Variants in OR1B1 observed in about 807,000 individuals in gnomAD.
The protein encoded by OR1B1 is olfactory receptor 1B1.
For synonymous variants in OR1B1, 168 were observed against 156.2 expected (o/e 1.08, Z -0.57); for missense variants, 414 against 402.1 (o/e 1.03, Z -0.25).
chr9:122,655,759 C>T, the OR1B1 span, among the ~76,000 whole-genome samples: 3 of 151,672 alleles, frequency 2.0e-5, no homozygotes, highest in African/African-American at 7.3e-5. Context: ...ACCTAAGTGA[C>T]AGGTGCAGCA....
At chr9:122,656,797 T>C in the OR1B1 span, among the ~76,000 whole-genome samples, 1 of 152,184 alleles carries the variant, frequency 6.6e-6, no homozygotes, top group Non-Finnish European at 1.5e-5. Context: ...CAGTACTAAA[T>C]CAAAAATTAC....
chr9:122,638,271 T>G, the OR1B1 span, among the ~76,000 whole-genome samples: 1 of 152,170 alleles, frequency 6.6e-6, no homozygotes, highest in Admixed American at 6.5e-5. Flanking sequence ...GTCAATTTTT[T>G]CAAGGTAAGA....
chr9:122,628,651 C>A, exon 1 of OR1B1: 1 of 1,614,064 alleles, frequency 6.2e-7, no homozygotes. Flanking sequence ...GGAGGCTATA[C>A]ACAAATGGGT....
upstream of OR1B1, among the ~76,000 whole-genome samples, chr9:122,629,888 A>G (rs1375403883): frequency 6.6e-6 from 1 of 152,204 alleles, no homozygotes; most frequent in Non-Finnish European, 1.5e-5. Context: ...TGAAAGAATT[A>G]TCTATATTCA....
chr9:122,655,010 T>C, the OR1B1 span, among the ~76,000 whole-genome samples: 1 of 152,190 alleles, frequency 6.6e-6, no homozygotes, highest in African/African-American at 2.4e-5. Flanking sequence ...TCATCCAGCA[T>C]TGCAAACATA....
chr9:122,639,257 CA>C, the OR1B1 span, among the ~76,000 whole-genome samples: 1 of 151,776 alleles, frequency 6.6e-6, no homozygotes, highest in Non-Finnish European at 1.5e-5. Context: ...ATAGATATTC[CA>C]AAAAGAATAT....
upstream of OR1B1, among the ~76,000 whole-genome samples, chr9:122,632,504 T>C (rs557550867): frequency 5.0e-4 from 76 of 152,310 alleles, 1 homozygote; most frequent in African/African-American, 1.4e-3. Flanking sequence ...ATTTCTGAGA[T>C]TTTGGTGCAC....
At chr9:122,644,898 A>T in the OR1B1 span, among the ~76,000 whole-genome samples, 3 of 152,314 alleles carry the variant, frequency 2.0e-5, no homozygotes, top group East Asian at 5.8e-4. Context: ...AACATCTACA[A>T]GCATCAACGT....
At chr9:122,648,045 T>C in the OR1B1 span, among the ~76,000 whole-genome samples, 3 of 152,290 alleles carry the variant, frequency 2.0e-5, no homozygotes, top group Admixed American at 1.3e-4. Context: ...TAATGAAATA[T>C]CTATTATTCC....
At chr9:122,648,706 C>A in the OR1B1 span, among the ~76,000 whole-genome samples, 2 of 152,220 alleles carry the variant, frequency 1.3e-5, no homozygotes, top group South Asian at 2.1e-4. Flanking sequence ...ATTTGAAGGA[C>A]CTCTTCAAGG....
At chr9:122,631,130 T>C (rs1052827880), upstream of OR1B1, among the ~76,000 whole-genome samples, 1 of 152,076 alleles carries the variant, frequency 6.6e-6, no homozygotes. Flanking sequence ...AATACAATCA[T>C]CCACACATGC....
At chr9:122,629,536 G>C in exon 1 of OR1B1, 6 of 1,582,224 alleles carry the variant, frequency 3.8e-6, no homozygotes, top group Non-Finnish European at 5.2e-6. Flanking sequence ...AGCTCATCAT[G>C]AGTGACAGTC....
At chr9:122,649,189 G>T in the OR1B1 span, among the ~76,000 whole-genome samples, 2 of 152,214 alleles carry the variant, frequency 1.3e-5, no homozygotes, top group Non-Finnish European at 2.9e-5. Flanking sequence ...TGGGAAAACT[G>T]GCTAGCCATA....
upstream of OR1B1, among the ~76,000 whole-genome samples, chr9:122,631,246 G>A (rs907579389): frequency 4.6e-5 from 7 of 151,326 alleles, no homozygotes; most frequent in Non-Finnish European, 1.0e-4. Context: ...GCACGATCTC[G>A]GCTCACTGCA....
the OR1B1 span, among the ~76,000 whole-genome samples, chr9:122,637,488 T>G: frequency 6.6e-6 from 1 of 152,166 alleles, no homozygotes; most frequent in Non-Finnish European, 1.5e-5. Flanking sequence ...GTGGAATGAT[T>G]TTCAAGATGA....
At chr9:122,645,640 T>G in the OR1B1 span, among the ~76,000 whole-genome samples, 1 of 152,102 alleles carries the variant, frequency 6.6e-6, no homozygotes, top group Non-Finnish European at 1.5e-5. Flanking sequence ...ATTTTTAAAG[T>G]ACTGTAGGAA....
At chr9:122,638,155 A>G in the OR1B1 span, among the ~76,000 whole-genome samples, 5 of 152,208 alleles carry the variant, frequency 3.3e-5, no homozygotes, top group Non-Finnish European at 7.3e-5. Context: ...ACATAGTGAA[A>G]TTCTAGAAAT....
rs1397243791 is a variant in OR1B1, at chr9:122,629,030, CAA to C, written c.504_505del (p.Cys169LeufsTer10). 6.2e-7 allele frequency: 1 copy of C among 1,614,032 alleles called. No homozygotes were observed. Among genetic ancestry groups the C allele is most frequent in the Admixed American group, 1.7e-5 (1 of 60,006 alleles). ...GTTGCCCCCAGCATCCCCAGTCCAG[CAA>C]AGAGGCAGGACGAGTCCCACACGCA... On this transcript the variant is annotated frameshift_variant, in exon 1 of 1. Coordinates refer to ENST00000623530, the Ensembl canonical transcript of OR1B1. LOFTEE classifies it low-confidence loss of function (END_TRUNC).
At chr9:122,632,874 A>G (rs1830216441), upstream of OR1B1, among the ~76,000 whole-genome samples, 1 of 152,212 alleles carries the variant, frequency 6.6e-6, no homozygotes, top group Non-Finnish European at 1.5e-5. Context: ...CATACCCAAG[A>G]CTGGGCAATT....
Sources: gnomAD v4.1 joint callset for allele counts (sites outside exome capture counted in the v4.1 genomes callset) on GRCh38, gnomAD v4.1.1 for gene constraint, MANE v1.5 for transcripts, NCBI Gene and HGNC (gene_info 2026-07-23, HGNC 2026-07-21) for gene names.